INTS9: variants seen among roughly 807,000 people sequenced by gnomAD.
INTS9 encodes the protein integrator complex subunit 9.
Under a neutral mutation model 79.7 loss-of-function variants are expected in INTS9, and 55 were observed. That is an observed-to-expected ratio of 0.69 (90% CI 0.56 to 0.86). INTS9 has a LOEUF of 0.86. INTS9 is among the 40% of genes least tolerant of loss of function. INTS9 has a pLI of 0.00. For synonymous variants in INTS9, 319 were observed against 325.2 expected, an observed-to-expected ratio of 0.98 and a Z score of 0.20; for missense variants, 721 against 831.5, an observed-to-expected ratio of 0.87 and a Z score of 1.64.
intron 8 of INTS9, among the ~76,000 whole-genome samples, chr8:28,807,135 A>G (rs1472241052): frequency 6.6e-6 from 1 of 152,212 alleles, no homozygotes; most frequent in African/African-American, 2.4e-5. Flanking sequence ...TTACACAAAA[A>G]AGGTTAAACA....
At chr8:28,830,004 T>C (rs1206981392) in intron 6 of INTS9, among the ~76,000 whole-genome samples, 1 of 150,714 alleles carries the variant, frequency 6.6e-6, no homozygotes, top group Non-Finnish European at 1.5e-5. Flanking sequence ...ATTGTAGACC[T>C]GTGATCCCTA....
At chr8:28,853,797 G>A (rs539493174) in intron 2 of INTS9, among the ~76,000 whole-genome samples, 52 of 151,432 alleles carry the variant, frequency 3.4e-4, no homozygotes, top group Admixed American at 5.3e-4. Flanking sequence ...GTTTTGAGGC[G>A]GAGTCCCACC....
intron 14 of INTS9, among the ~76,000 whole-genome samples, chr8:28,772,608 C>G (rs1450029009): frequency 1.3e-5 from 2 of 151,882 alleles, no homozygotes; most frequent in East Asian, 3.9e-4. Flanking sequence ...GAGATCAAGA[C>G]CATCCTGGCT....
At position 28,835,331 on chromosome 8, in the gene INTS9, G is replaced by A; in HGVS notation, c.449C>T (p.Ala150Val). ...ATTCTTCCACAAGGAGGCAGACTGAGCCTTTGGCACTCTTTCAATGAAATT... is the reference window on the plus strand; with the variant it reads ...ATTCTTCCACAAGGAGGCAGACTGAACCTTTGGCACTCTTTCAATGAAATT... ...LVNFIERVPK[A>V]QSASLWKNKD... Residue 150 changes from alanine to valine, a missense_variant, in exon 6 of 17, where the codon GCT (alanine) becomes GTT (valine). This residue lies in a region of INTS9 where 291 missense variants were observed against 307.0 expected (regional missense o/e 0.95). Transcript: ENST00000521022. 6.2e-7 allele frequency: 1 copy of A among 1,613,840 alleles called. No homozygotes were observed. Among genetic ancestry groups the A allele is most frequent in the African/African-American group, 1.3e-5 (1 of 75,020 alleles).
intron 8 of INTS9, among the ~76,000 whole-genome samples, chr8:28,800,067 C>T (rs141999758): frequency 5.3e-5 from 8 of 152,350 alleles, no homozygotes; most frequent in Non-Finnish European, 1.2e-4. Flanking sequence ...CAGCACTGAT[C>T]ACTCCAAACT....
chr8:28,819,656 A>C (rs1299388396), intron 6 of INTS9, among the ~76,000 whole-genome samples: 1 of 152,160 alleles, frequency 6.6e-6, no homozygotes, highest in Non-Finnish European at 1.5e-5. Context: ...AGTTCTGTAG[A>C]TGTCTATTAG....
chr8:28,825,179 T>C (rs1806078688), intron 6 of INTS9, among the ~76,000 whole-genome samples: 1 of 152,238 alleles, frequency 6.6e-6, no homozygotes, highest in Non-Finnish European at 1.5e-5. Flanking sequence ...GGGGCTGCCC[T>C]GCACAGAAAA....
At chr8:28,855,932 C>A (rs1808126448) in intron 2 of INTS9, among the ~76,000 whole-genome samples, 1 of 152,138 alleles carries the variant, frequency 6.6e-6, no homozygotes, top group African/African-American at 2.4e-5. Flanking sequence ...TATGTGTATA[C>A]ATACCAAGAG....
intron 12 of INTS9, among the ~76,000 whole-genome samples, 188 bp from the exon 13 acceptor site, chr8:28,778,141 G>A (rs1803006326): frequency 6.6e-6 from 1 of 152,168 alleles, no homozygotes; most frequent in African/African-American, 2.4e-5. Flanking sequence ...GACCCTGTGG[G>A]TGGGCTCCAA....
intron 1 of INTS9, among the ~76,000 whole-genome samples, chr8:28,881,512 G>T (rs1585534723): frequency 8.4e-6 from 1 of 119,286 alleles, no homozygotes; most frequent in Non-Finnish European, 1.8e-5. Flanking sequence ...CAGCCGCCCC[G>T]TCCGGGAGGG....
chr8:28,839,019 C>T (rs1467193148), intron 4 of INTS9, among the ~76,000 whole-genome samples: 1 of 152,128 alleles, frequency 6.6e-6, no homozygotes, highest in Non-Finnish European at 1.5e-5. Context: ...GACAACCTGT[C>T]ACTCACAGGG....
rs567816431 is a variant in INTS9 at position 28,804,822 on chromosome 8, C to T, written c.744+7505G>A. Among the ~76,000 whole-genome samples, 8 of 152,256 alleles carry T rather than the reference C, an allele frequency of 5.3e-5. No individual in the cohort carries two copies. The East Asian group carries it at 1.4e-3, about 26-fold the overall frequency. On this transcript the variant is annotated intron_variant, in intron 8 of 16. Coordinates refer to ENST00000521022, the MANE Select transcript of INTS9 (RefSeq NM_018250.4). ...TAAAATGAGCAGGTATAAAGAGAAA[C>T]ACCTAGAAATACTGTGAACAAAAGT...
At chr8:28,814,071 A>G (rs766046575) in intron 6 of INTS9, among the ~76,000 whole-genome samples, 1 of 128,220 alleles carries the variant, frequency 7.8e-6, no homozygotes, top group South Asian at 2.3e-4. Context: ...TTCTTTTTTT[A>G]AAAAAAAAAA....
rs1450062177 is a variant in INTS9, at chr8:28,813,524, T to C, written c.577A>G (p.Lys193Glu). Residue 193 changes from lysine (K) to glutamate (E), a missense_variant, in exon 7 of 17, where the codon AAA (lysine) becomes GAA (glutamate). Transcript: ENST00000521022. ...TMQEVNSALS[K>E]IQLVGYSQKI... ...TGAGAATATCCCACCAGCTGGATTT[T>C]ACTAAGGGCAGAGTTCACCTCTTGC... The C allele has an allele frequency of 1.9e-6, 3 of 1,613,862 alleles. No individual in the cohort carries two copies.
At chr8:28,834,869 G>T (rs925634198) in intron 6 of INTS9, among the ~76,000 whole-genome samples, 1 of 152,122 alleles carries the variant, frequency 6.6e-6, no homozygotes, top group Admixed American at 6.5e-5. Context: ...TAGAGACGGG[G>T]TTTCTCCATG....
At chr8:28,771,186 T>TA (rs1323392474) in intron 14 of INTS9, 106 bp from the exon 15 acceptor site, 3 of 927,112 alleles carry the variant, frequency 3.2e-6, no homozygotes, top group Non-Finnish European at 3.4e-6. Context: ...GAAATAACTT[T>TA]AAAGGTAAAC....
At position 28,859,638 on chromosome 8, in the gene INTS9, T is replaced by A. The variant is rs144614151; in HGVS notation, c.10-75A>T. 7.7e-4 allele frequency: 1,145 copies of A among 1,479,172 alleles called. 7 individuals carry two copies. In the African/African-American group the frequency reaches 0.014, roughly 18 times the overall value. 91.6% of individuals were successfully genotyped at this position (1,479,172 alleles called of 1,614,324 possible). ...TACAAAGTAAAGTGAATTAAATAAC[T>A]CTGACGATCTTCTCTCATAAGACCA... On this transcript the variant is annotated intron_variant, in intron 1 of 16. Transcript: ENST00000521022.
chr8:28,786,647 A>G (rs1341341747), intron 11 of INTS9, among the ~76,000 whole-genome samples: 1 of 152,120 alleles, frequency 6.6e-6, no homozygotes, highest in Non-Finnish European at 1.5e-5. Flanking sequence ...ATTTCTGTTC[A>G]ATGTATACTT....
intron 1 of INTS9, among the ~76,000 whole-genome samples, chr8:28,863,742 A>G (rs1422700320): frequency 6.6e-6 from 1 of 152,226 alleles, no homozygotes; most frequent in Non-Finnish European, 1.5e-5. Context: ...AGATCACGCC[A>G]CTGCACACCA....
Sources: gnomAD v4.1 joint callset for allele counts (sites outside exome capture counted in the v4.1 genomes callset) on GRCh38, gnomAD v4.1.1 for gene constraint, gnomAD v4.1.1 regional missense constraint, MANE v1.5 for transcripts, NCBI Gene and HGNC (gene_info 2026-07-23, HGNC 2026-07-21) for gene names.